CMIP: variants seen among roughly 807,000 people sequenced by gnomAD.
The protein encoded by CMIP is c-Maf inducing protein.
CMIP carries 13 observed loss-of-function variants against 97.3 expected under a neutral mutation model. The ratio of observed to expected loss-of-function variants is 0.13; its 90% CI spans 0.09 to 0.21. The LOEUF (loss-of-function observed/expected upper bound fraction) is 0.21. Among genes scored for constraint, CMIP ranks in the 10% least tolerant of loss-of-function variants. The pLI is 1.00. For missense variants in CMIP, 847 were observed against 1,024.9 expected (o/e 0.83, Z 2.37); for synonymous variants, 538 against 436.3 (o/e 1.23, Z -2.91).
chr16:81,588,201 G>A (rs755899496), intron 1 of CMIP, among the ~76,000 whole-genome samples: 4 of 152,174 alleles, frequency 2.6e-5, no homozygotes, highest in South Asian at 2.1e-4. Context: ...TGGCCGTCTC[G>A]GAGCTCTCTG....
intron 16 of CMIP, among the ~76,000 whole-genome samples, chr16:81,702,418 C>G (rs1208228049): frequency 6.6e-6 from 1 of 152,192 alleles, no homozygotes; most frequent in Non-Finnish European, 1.5e-5. Context: ...CACTCTCCCA[C>G]TGGTGTTTCT....
At chr16:81,541,540 G>A (rs996403580) in intron 1 of CMIP, among the ~76,000 whole-genome samples, 2 of 152,192 alleles carry the variant, frequency 1.3e-5, no homozygotes, top group African/African-American at 4.8e-5. Context: ...ACCAAACCTG[G>A]TTACGCTGGT....
chr16:81,694,610 A>T (rs754179793), intron 13 of CMIP, among the ~76,000 whole-genome samples: 2 of 152,174 alleles, frequency 1.3e-5, no homozygotes, highest in Non-Finnish European at 2.9e-5. Flanking sequence ...ACTTGTTCTC[A>T]AACTATATTA....
chr16:81,626,879 ATG>A (rs139978377), intron 3 of CMIP, among the ~76,000 whole-genome samples: 6 of 103,256 alleles, frequency 5.8e-5, no homozygotes, highest in Non-Finnish European at 8.0e-5. Context: ...TAACTATTTT[ATG>A]TGTGTGTGTG....
At chr16:81,549,573 G>A (rs1419598257) in intron 1 of CMIP, among the ~76,000 whole-genome samples, 2 of 152,142 alleles carry the variant, frequency 1.3e-5, no homozygotes, top group Non-Finnish European at 2.9e-5. Context: ...TTGAAGAAGC[G>A]GCCCTGAGTG....
At chr16:81,451,157 C>T (rs865837612) in intron 1 of CMIP, among the ~76,000 whole-genome samples, 83 of 152,154 alleles carry the variant, frequency 5.5e-4, no homozygotes, top group African/African-American at 1.9e-3. Context: ...GTTGTAGCTC[C>T]CATAATTCCC....
At chr16:81,668,987 T>A (rs1283011227) in intron 7 of CMIP, among the ~76,000 whole-genome samples, 2 of 95,260 alleles carry the variant, frequency 2.1e-5, no homozygotes, top group Non-Finnish European at 4.2e-5. Flanking sequence ...CACACCCACC[T>A]CACACTCTCC....
intron 3 of CMIP, among the ~76,000 whole-genome samples, chr16:81,642,337 C>T (rs1221912168): frequency 6.6e-6 from 1 of 152,116 alleles, no homozygotes; most frequent in Non-Finnish European, 1.5e-5. Context: ...AGAGACAGTG[C>T]CCCACTCAGA....
chr16:81,667,834 G>GTGTGTT (rs2092625927), intron 7 of CMIP, among the ~76,000 whole-genome samples: 1 of 150,254 alleles, frequency 6.7e-6, no homozygotes, highest in African/African-American at 2.5e-5. Context: ...GTGTGTGTGT[G>GTGTGTT]TGTGTGTTTG....
At chr16:81,624,017 GCTT>G (rs893226742) in intron 3 of CMIP, among the ~76,000 whole-genome samples, 3 of 151,980 alleles carry the variant, frequency 2.0e-5, no homozygotes, top group Admixed American at 2.0e-4. Flanking sequence ...TAACCCCTCT[GCTT>G]CTGCTGATAC....
rs1319548909 is a variant in CMIP at position 81,627,331 on chromosome 16, A to G, written c.477+6405A>G. On this transcript the variant is annotated intron_variant, in intron 3 of 20. Transcript: ENST00000537098. This position sits in a 1 kb window ranked among gnomAD's most constrained non-coding sequence, Gnocchi z 4.6. ...TCTCCTCTGTGGAATGGGGATGATC[A>G]TGGCGTCTCGTCACTGGGCCGTGTG... Among the ~76,000 whole-genome samples the G allele has an allele frequency of 6.6e-6, 1 of 151,922 alleles. No homozygotes were observed. The highest frequency in any genetic ancestry group is 2.4e-5 in the African/African-American group (1 of 41,326).
intron 1 of CMIP, among the ~76,000 whole-genome samples, chr16:81,478,583 C>T (rs192871194): frequency 1.3e-5 from 2 of 152,288 alleles, no homozygotes; most frequent in Admixed American, 1.3e-4. Flanking sequence ...ATGGTGAATG[C>T]ACAGACCATG....
intron 9 of CMIP, among the ~76,000 whole-genome samples, chr16:81,673,657 G>C (rs554106599): frequency 2.6e-5 from 4 of 152,340 alleles, no homozygotes; most frequent in African/African-American, 9.6e-5. Flanking sequence ...GCCGAGGCTG[G>C]CGGTGCTGGG....
intron 8 of CMIP, among the ~76,000 whole-genome samples, chr16:81,670,613 T>C (rs1273677512): frequency 2.2e-5 from 1 of 45,620 alleles, no homozygotes; most frequent in Non-Finnish European, 4.4e-5. Context: ...GTGTTTTGGG[T>C]TTTTTTTGGG....
intron 1 of CMIP, among the ~76,000 whole-genome samples, chr16:81,536,339 C>T (rs2090342305): frequency 6.6e-6 from 1 of 151,984 alleles, no homozygotes; most frequent in Non-Finnish European, 1.5e-5. Context: ...GAGGGTGTGC[C>T]CTGGATGGAC....
At chr16:81,599,368 G>C (rs189323436) in intron 1 of CMIP, among the ~76,000 whole-genome samples, 2 of 152,326 alleles carry the variant, frequency 1.3e-5, no homozygotes, top group Admixed American at 1.3e-4. Context: ...TGCGTTTGCT[G>C]TATGACTTTC....
At chr16:81,474,330 C>T (rs1166004707) in intron 1 of CMIP, among the ~76,000 whole-genome samples, 5 of 152,010 alleles carry the variant, frequency 3.3e-5, no homozygotes, top group African/African-American at 4.8e-5. Context: ...CTTCTCTTTC[C>T]CCCTTCTTTC....
intron 10 of CMIP, among the ~76,000 whole-genome samples, chr16:81,685,059 C>A (rs1041605010): frequency 2.0e-5 from 3 of 152,254 alleles, no homozygotes; most frequent in African/African-American, 7.2e-5. Flanking sequence ...TCATTCCCTT[C>A]TTCGTGGGCC....
At chr16:81,496,184 A>G (rs1392797648) in intron 1 of CMIP, among the ~76,000 whole-genome samples, 2 of 152,246 alleles carry the variant, frequency 1.3e-5, no homozygotes, top group African/African-American at 4.8e-5. Context: ...GTTAACACAC[A>G]TCACATGTGT....
Sources: gnomAD v4.1 joint callset for allele counts (sites outside exome capture counted in the v4.1 genomes callset) on GRCh38, gnomAD v4.1.1 for gene constraint, Gnocchi (gnomAD v3.1) non-coding constraint, MANE v1.5 for transcripts, NCBI Gene and HGNC (gene_info 2026-07-23, HGNC 2026-07-21) for gene names.